CNOT2: variants seen among roughly 807,000 people sequenced by gnomAD.
CNOT2 encodes CC chemokine receptor 4-negative regulator of transcription 2.
In CNOT2, 7 loss-of-function variants were observed where a neutral mutation model predicts 72.1. The observed-to-expected ratio is 0.10, with a 90% CI of 0.06 to 0.18. The LOEUF (loss-of-function observed/expected upper bound fraction) is 0.18, where lower values mean the gene tolerates loss of function less well. Ranked by LOEUF, CNOT2 falls within the 10% of genes least tolerant of loss-of-function variation. The pLI is 1.00. For synonymous variants in CNOT2, 196 were observed against 225.6 expected (o/e 0.87, Z 1.17); for missense variants, 345 against 660.3 (o/e 0.52, Z 5.23).
At chr12:70,259,363 C>T (rs1441341585) in intron 1 of CNOT2, among the ~76,000 whole-genome samples, 1 of 151,830 alleles carries the variant, frequency 6.6e-6, no homozygotes, top group Non-Finnish European at 1.5e-5. Flanking sequence ...ATTTTTAAAT[C>T]AACTTTGTCA....
Position 70,354,253 on chromosome 12 carries a change from G to T in CNOT2, c.*338G>T. 1 of 251,318 alleles carries T rather than the reference G, an allele frequency of 4.0e-6. No homozygotes were observed. 15.6% of individuals were successfully genotyped at this position (251,318 alleles called of 1,614,324 possible). On this transcript the variant is annotated 3_prime_UTR_variant, in exon 16 of 16. Transcript: ENST00000229195. Reference sequence around the variant, plus strand: ...ACCATAGTTTCTAAAATGTAAAAAAGAAAACCCCCAAAAGACTCAAGAAAA... The same window carrying T: ...ACCATAGTTTCTAAAATGTAAAAAATAAAACCCCCAAAAGACTCAAGAAAA...
At chr12:70,342,503 G>T in intron 13 of CNOT2, 196 bp downstream of exon 13, 1 of 596,736 alleles carries the variant, frequency 1.7e-6, no homozygotes, top group Non-Finnish European at 2.8e-6. Flanking sequence ...TTAACAACAG[G>T]TTACAACCAT....
At chr12:70,342,369 C>T in intron 13 of CNOT2, 62 bp downstream of exon 13, 2 of 1,572,594 alleles carry the variant, frequency 1.3e-6, no homozygotes, top group Non-Finnish European at 1.7e-6. Flanking sequence ...ACATGTTTTT[C>T]AGTTCAGGCA....
chr12:70,251,218 G>A (rs548632172), intron 1 of CNOT2, among the ~76,000 whole-genome samples: 1 of 152,176 alleles, frequency 6.6e-6, no homozygotes, highest in Admixed American at 6.5e-5. Flanking sequence ...AATTCCTCAA[G>A]TTAAATTTTT....
chr12:70,286,302 T>C (rs1870886653), intron 2 of CNOT2, among the ~76,000 whole-genome samples: 1 of 149,396 alleles, frequency 6.7e-6, no homozygotes, highest in South Asian at 2.2e-4. Context: ...CATTTGATAA[T>C]TTCAGAATTA....
intron 1 of CNOT2, among the ~76,000 whole-genome samples, chr12:70,248,951 T>C (rs1031167548): frequency 3.9e-5 from 6 of 151,926 alleles, no homozygotes; most frequent in African/African-American, 1.4e-4. Context: ...ATAAAATGAG[T>C]GAGGGAAAAT....
At chr12:70,299,536 C>T (rs1282266750) in intron 2 of CNOT2, among the ~76,000 whole-genome samples, 2 of 152,254 alleles carry the variant, frequency 1.3e-5, no homozygotes, top group African/African-American at 4.8e-5. Context: ...ATCCACGTCC[C>T]TACAAAGGAC....
At chr12:70,271,689 C>G (rs1489226760) in intron 1 of CNOT2, among the ~76,000 whole-genome samples, 1 of 151,992 alleles carries the variant, frequency 6.6e-6, no homozygotes, top group Non-Finnish European at 1.5e-5. Context: ...TACTCTTGAA[C>G]CATGTGGGAA....
At chr12:70,342,443 C>T (rs1052207878) in intron 13 of CNOT2, 136 bp downstream of exon 13, 14 of 1,019,542 alleles carry the variant, frequency 1.4e-5, no homozygotes, top group Middle Eastern at 6.4e-4. Flanking sequence ...TCCATGTTAA[C>T]TTGTTAAATG....
intron 13 of CNOT2, among the ~76,000 whole-genome samples, chr12:70,342,754 G>C (rs1881674093): frequency 6.6e-6 from 1 of 151,980 alleles, no homozygotes; most frequent in Admixed American, 6.6e-5. Context: ...ATTAACAACA[G>C]ATTACAGCTT....
chr12:70,312,217 AATT>A (rs1311016444), intron 3 of CNOT2, among the ~76,000 whole-genome samples: 3 of 151,918 alleles, frequency 2.0e-5, no homozygotes, highest in Non-Finnish European at 4.4e-5. Flanking sequence ...CTTATAATTG[AATT>A]ATTATTTACA....
intron 1 of CNOT2, among the ~76,000 whole-genome samples, chr12:70,250,443 T>C (rs994940002): frequency 1.3e-5 from 2 of 152,080 alleles, no homozygotes; most frequent in Non-Finnish European, 2.9e-5. Context: ...GTAATATGAG[T>C]GTTTAGTCTC....
chr12:70,271,984 A>G (rs1959290632), intron 1 of CNOT2, among the ~76,000 whole-genome samples: 1 of 152,168 alleles, frequency 6.6e-6, no homozygotes, highest in Admixed American at 6.5e-5. Flanking sequence ...TCAGACTATC[A>G]AGGGGGAATA....
intron 1 of CNOT2, among the ~76,000 whole-genome samples, chr12:70,252,141 A>G (rs1419787092): frequency 3.9e-5 from 6 of 152,190 alleles, no homozygotes; most frequent in Admixed American, 2.6e-4. Context: ...AAGAGAAAGA[A>G]TTGCTTCTCT....
intron 6 of CNOT2, chr12:70,332,548 C>A: frequency 1.6e-6 from 1 of 627,514 alleles, no homozygotes; most frequent in Non-Finnish European, 2.2e-6. Flanking sequence ...TGTTTTTTAA[C>A]TAATCTGCCT....
intron 15 of CNOT2, among the ~76,000 whole-genome samples, chr12:70,352,394 A>G (rs193018430): frequency 7.4e-4 from 112 of 152,348 alleles, no homozygotes; most frequent in African/African-American, 2.5e-3. Context: ...TAGGCTTTCA[A>G]TAAATTCTGC....
At chr12:70,258,722 G>C (rs1282638025) in intron 1 of CNOT2, among the ~76,000 whole-genome samples, 1 of 152,236 alleles carries the variant, frequency 6.6e-6, no homozygotes, top group African/African-American at 2.4e-5. Context: ...ATGAGGTGCA[G>C]ATTTAAATAG....
intron 1 of CNOT2, among the ~76,000 whole-genome samples, chr12:70,262,747 C>T (rs1958838315): frequency 2.0e-5 from 3 of 149,854 alleles, no homozygotes; most frequent in South Asian, 2.1e-4. Flanking sequence ...GATCTCGGCT[C>T]ACCGCAACCT....
intron 2 of CNOT2, among the ~76,000 whole-genome samples, chr12:70,288,606 T>G (rs566247255): frequency 7.5e-4 from 114 of 152,324 alleles, no homozygotes; most frequent in African/African-American, 2.6e-3. Flanking sequence ...AGCTGTACAC[T>G]TAAAAATGTA....
Sources: gnomAD v4.1 joint callset for allele counts (sites outside exome capture counted in the v4.1 genomes callset) on GRCh38, gnomAD v4.1.1 for gene constraint, MANE v1.5 for transcripts, NCBI Gene and HGNC (gene_info 2026-07-23, HGNC 2026-07-21) for gene names.